The following KLC4 variants were observed in gnomAD, a reference collection of about 807,000 sequenced individuals.
The protein encoded by KLC4 is kinesin-like protein 8.
In KLC4, 49 loss-of-function variants were observed where a neutral mutation model predicts 77.2. The ratio of observed to expected loss-of-function variants is 0.63; its 90% confidence interval spans 0.50 to 0.80. The LOEUF is 0.80. Ranked by LOEUF, KLC4 falls within the 30% of genes least tolerant of loss-of-function variation. The pLI, the probability that KLC4 is intolerant of heterozygous loss-of-function variation, is 0.00. For synonymous variants in KLC4, 274 were observed against 314.5 expected (o/e 0.87, Z 1.36); for missense variants, 669 against 793.5 (o/e 0.84, Z 1.89).
intron 4 of KLC4, 59 bp downstream of exon 4, chr6:43,065,760 G>A: frequency 8.4e-7 from 1 of 1,190,828 alleles, no homozygotes; most frequent in Non-Finnish European, 1.3e-6. Flanking sequence ...GGCCCTAGCT[G>A]TGGCCCACCC....
chr6:43,060,176 C>A (rs1323043812), intron 1 of KLC4: 2 of 1,613,190 alleles, frequency 1.2e-6, no homozygotes, highest in East Asian at 2.2e-5. Context: ...CCTCTCAGAG[C>A]CTGTTTGTAG....
In KLC4 at chr6:43,067,101, T is replaced by TCCC; in HGVS notation, c.879+20_879+22dup. On this transcript the variant is annotated intron_variant, in intron 6 of 15. Coordinates refer to ENST00000347162, the MANE Select transcript of KLC4 (RefSeq NM_201521.3). ...ATCCTGCTGTCAGTATTCCTTGCCC[T>TCCC]CCCCACCCCACGCCCCGCACCCCCC... 6.3e-7 allele frequency: 1 copy of TCCC among 1,584,692 alleles called. No homozygotes were observed.
chr6:43,068,615 C>T (rs964361890), intron 6 of KLC4, among the ~76,000 whole-genome samples: 2 of 151,994 alleles, frequency 1.3e-5, no homozygotes, highest in African/African-American at 2.4e-5. Flanking sequence ...TGAGACCATC[C>T]TGGCCAACAT....
intron 6 of KLC4, among the ~76,000 whole-genome samples, chr6:43,068,453 CA>C (rs1340383460): frequency 6.6e-6 from 1 of 150,454 alleles, no homozygotes. Flanking sequence ...GCCTGGGCAG[CA>C]AGAGCAAAAC....
chr6:43,074,704 C>T lies in KLC4; in HGVS notation c.*32C>T, dbSNP rs774113000. On this transcript the variant is annotated 3_prime_UTR_variant, in exon 16 of 16. Transcript: ENST00000347162. ...ACCCGGCCCCCAGGTCTGCTGGGTCCCCCCACCCCCACAGCCCTCACAGCA... is the reference window on the plus strand; with the variant it reads ...ACCCGGCCCCCAGGTCTGCTGGGTCTCCCCACCCCCACAGCCCTCACAGCA... The T allele has an allele frequency of 3.8e-6, 6 of 1,572,796 alleles. No individual in the cohort carries two copies. The highest frequency in any genetic ancestry group is 1.7e-4 in the Middle Eastern group (1 of 5,998).
chr6:43,073,399 C>T (rs1765825263), intron 14 of KLC4, 61 bp downstream of exon 14: 1 of 1,268,582 alleles, frequency 7.9e-7, no homozygotes, highest in South Asian at 1.2e-5. Flanking sequence ...GCCTGTAATC[C>T]CAGCACTTTG....
At chr6:43,059,993 C>T (rs895887247) in intron 1 of KLC4, 19 of 1,381,178 alleles carry the variant, frequency 1.4e-5, no homozygotes, top group Middle Eastern at 2.7e-4. Context: ...CCATCTCACT[C>T]TCCCAACCCT....
intron 6 of KLC4, among the ~76,000 whole-genome samples, chr6:43,067,771 G>A (rs1281413069): frequency 1.4e-5 from 2 of 146,668 alleles, no homozygotes; most frequent in African/African-American, 5.1e-5. Flanking sequence ...CTCCAGCCAG[G>A]GTGACAGAGC....
chr6:43,061,965 G>C (rs1765187176), intron 2 of KLC4, among the ~76,000 whole-genome samples: 1 of 152,118 alleles, frequency 6.6e-6, no homozygotes, highest in Non-Finnish European at 1.5e-5. Flanking sequence ...GTCAGAAAAG[G>C]CCACCCTTTT....
chr6:43,062,412 T>C (rs1168680496), intron 2 of KLC4: 1 of 158,284 alleles, frequency 6.3e-6, no homozygotes, highest in African/African-American at 2.4e-5. Context: ...GCCCGGCTAA[T>C]TTTTTGTATT....
At chr6:43,071,177 C>G in intron 8 of KLC4, 98 bp from the exon 9 acceptor site, 1 of 731,748 alleles carries the variant, frequency 1.4e-6, no homozygotes, top group Non-Finnish European at 2.3e-6. Flanking sequence ...GTGGAACTCC[C>G]TGAGCCTGGT....
intron 2 of KLC4, 174 bp from the exon 3 acceptor site, chr6:43,062,743 G>C (rs2150351208): frequency 1.7e-6 from 1 of 604,046 alleles, no homozygotes. Context: ...CAGCAGTGGA[G>C]GTAGTGGGAA....
rs143673247 is a variant in KLC4, at chr6:43,061,473, C to T, written c.138C>T (p.Ser46=). The T allele has an allele frequency of 1.3e-4, 209 of 1,614,182 alleles. No individual in the cohort carries two copies. In the African/African-American group the frequency reaches 2.4e-3, roughly 19 times the overall value. ...LRSEHQAVLQ[S]LSQTIECLQQ... ...GTGAACACCAGGCCGTGCTGCAAAG[C>T]CTGTCCCAGACCATTGAGTGTCTGC... Residue 46 remains serine (S), a synonymous_variant, in exon 2 of 16, where the codon AGC becomes AGT. Transcript: ENST00000347162.
Position 43,063,029 on chromosome 6 carries a change from C to T in KLC4, c.371C>T (p.Ala124Val). The change falls in exon 3 of 16, where the codon GCT (alanine) becomes GTT (valine). Residue 124 changes from alanine to valine, a missense_variant. Transcript: ENST00000347162. ...AACCAGTGGCTGCGGGATGAGCTGGCTGGCACCCAGCAGCGGCTACAGCGC... is the reference window on the plus strand; with the variant it reads ...AACCAGTGGCTGCGGGATGAGCTGGTTGGCACCCAGCAGCGGCTACAGCGC... ...QENQWLRDEL[A>V]GTQQRLQRSE... 6.2e-7 allele frequency: 1 copy of T among 1,614,202 alleles called. No individual in the cohort carries two copies. Among genetic ancestry groups the T allele is most frequent in the Non-Finnish European group, 8.5e-7 (1 of 1,180,012 alleles).
chr6:43,064,456 G>A (rs1404245230), intron 3 of KLC4, among the ~76,000 whole-genome samples: 2 of 152,190 alleles, frequency 1.3e-5, no homozygotes, highest in African/African-American at 4.8e-5. Context: ...CCCAGGAGGT[G>A]GAAGCTGCAG....
chr6:43,074,534 A>C, intron 15 of KLC4, 88 bp from the exon 16 acceptor site: 1 of 1,092,064 alleles, frequency 9.2e-7, no homozygotes, highest in Non-Finnish European at 1.4e-6. Context: ...CCAGAGATAC[A>C]CTGTGACCAT....
Position 43,072,193 on chromosome 6 carries a change from C to T in KLC4, c.1426C>T (p.Arg476Cys), listed in dbSNP as rs557603845. 1.4e-5 allele frequency: 22 copies of T among 1,614,160 alleles called. No homozygotes were observed. Among genetic ancestry groups the T allele is most frequent in the Middle Eastern group, 1.6e-4 (1 of 6,062 alleles). Reference protein sequence around the residue: ...TLRNLGALYRRQGKLEAAETL... With the variant: ...TLRNLGALYRCQGKLEAAETL... The stretch of plus-strand genomic sequence containing the variant: ...GAGAAACCTGGGAGCTCTGTATAGG[C>T]GCCAGGGAAAGCTGGAGGCTGCTGA... Residue 476 changes from arginine (R) to cysteine (C), a missense_variant, in exon 12 of 16, where the codon CGC becomes TGC. Physicochemically the swap from Arg to Cys is radical, Grantham distance 180. Transcript: ENST00000347162.
intron 6 of KLC4, among the ~76,000 whole-genome samples, chr6:43,070,112 G>A (rs73436427): frequency 0.036 from 3,383 of 94,668 alleles, 57 homozygotes; most frequent in South Asian, 0.047. Flanking sequence ...AAAAAAAAAA[G>A]AAAGAAAAAA....
intron 1 of KLC4, 48 bp from the exon 2 acceptor site, chr6:43,061,263 T>G: frequency 6.4e-7 from 1 of 1,558,602 alleles, no homozygotes; most frequent in Non-Finnish European, 8.7e-7. Context: ...GTTGCTCAGC[T>G]TCTCTGTCTC....
Sources: gnomAD v4.1 joint callset for allele counts (sites outside exome capture counted in the v4.1 genomes callset) on GRCh38, gnomAD v4.1.1 for gene constraint, MANE v1.5 for transcripts, NCBI Gene and HGNC (gene_info 2026-07-23, HGNC 2026-07-21) for gene names.